NEK10: variants seen among roughly 807,000 people sequenced by gnomAD.
NEK10 encodes the protein NIMA related kinase 10, also known as serine/threonine-protein kinase Nek10.
Under a neutral mutation model 159.8 loss-of-function variants are expected in NEK10, and 122 were observed. The observed-to-expected ratio is 0.76, with a 90% CI of 0.66 to 0.89. NEK10 has a LOEUF of 0.89. NEK10 is among the 40% of genes least tolerant of loss of function. The pLI is 0.00. For missense variants in NEK10, 1,342 were observed against 1,323.1 expected (o/e 1.01, Z -0.22); for synonymous variants, 466 against 457.1 (o/e 1.02, Z -0.25).
At chr3:27,302,424 G>A (rs771849228) in intron 12 of NEK10, among the ~76,000 whole-genome samples, 5 of 150,558 alleles carry the variant, frequency 3.3e-5, no homozygotes, top group Admixed American at 1.3e-4. Context: ...GCAATTTATC[G>A]GTTCTGTAGG....
At chr3:27,328,064 A>G (rs1291983409) in intron 5 of NEK10, among the ~76,000 whole-genome samples, 2 of 152,170 alleles carry the variant, frequency 1.3e-5, no homozygotes, top group Non-Finnish European at 2.9e-5. Flanking sequence ...TAAATCTAGC[A>G]TGAAATGTAC....
intron 23 of NEK10, among the ~76,000 whole-genome samples, chr3:27,203,711 A>G (rs62256261): frequency 0.029 from 4,426 of 152,256 alleles, 97 homozygotes; most frequent in African/African-American, 0.038. Flanking sequence ...AGAAATTTAT[A>G]AATTGGCATC....
intron 22 of NEK10, among the ~76,000 whole-genome samples, chr3:27,273,327 G>A (rs911926207): frequency 2.0e-5 from 3 of 152,036 alleles, no homozygotes; most frequent in South Asian, 2.1e-4. Flanking sequence ...TGTCTTTTTC[G>A]TTACCTGAAA....
At chr3:27,366,465 A>C (rs7629859) in intron 1 of NEK10, among the ~76,000 whole-genome samples, 1 of 152,120 alleles carries the variant, frequency 6.6e-6, no homozygotes, top group African/African-American at 2.4e-5. Flanking sequence ...TGCTCAACCC[A>C]GTTCACTTTG....
chr3:27,252,317 G>T (rs1170640536), intron 23 of NEK10: 2 of 436,248 alleles, frequency 4.6e-6, no homozygotes, highest in Non-Finnish European at 9.2e-6. Context: ...TTTAAGCAAA[G>T]AGCAGAATGA....
chr3:27,123,174 A>T (rs766982843), intron 32 of NEK10, among the ~76,000 whole-genome samples: 6 of 152,198 alleles, frequency 3.9e-5, no homozygotes, highest in African/African-American at 7.2e-5. Flanking sequence ...GAGACTTGCA[A>T]TCTGACTAGG....
rs554887158 is a variant in NEK10, at chr3:27,134,485, C to T, written c.2971-2495G>A. Among the ~76,000 whole-genome samples, 66 of 152,302 alleles carry T rather than the reference C, an allele frequency of 4.3e-4. 1 individual carries two copies. The highest frequency in any genetic ancestry group is 1.4e-3 in the African/African-American group (60 of 41,564). ...GACAAACTTTTGAAAGTGTGGAACA[C>T]CAGTGGGCTCATAGCTTCCTTCAAA... On this transcript the variant is annotated intron_variant, in intron 31 of 35. Coordinates refer to ENST00000691995, the MANE Select transcript of NEK10 (RefSeq NM_001394966.1).
intron 10 of NEK10, 87 bp from the exon 11 acceptor site, chr3:27,308,032 T>C: frequency 1.5e-6 from 1 of 674,532 alleles, no homozygotes; most frequent in Non-Finnish European, 2.7e-6. Flanking sequence ...TATAAAGAAC[T>C]GCCTGAGACT....
chr3:27,347,148 A>G (rs2047611834), intron 3 of NEK10, among the ~76,000 whole-genome samples: 1 of 152,190 alleles, frequency 6.6e-6, no homozygotes. Flanking sequence ...TCCATTTTAT[A>G]TATTACCAAA....
intron 22 of NEK10, among the ~76,000 whole-genome samples, chr3:27,256,961 G>T (rs1242587976): frequency 1.4e-5 from 2 of 143,568 alleles, no homozygotes; most frequent in Non-Finnish European, 3.0e-5. Context: ...TGTCACCCAG[G>T]TTGGAGTGCA....
Position 27,279,131 on chromosome 3 carries a change from CT to C in NEK10, c.2014+5470del, listed in dbSNP as rs559299721. Among the ~76,000 whole-genome samples the C allele has an allele frequency of 1.8e-4, 27 of 152,334 alleles. No individual in the cohort carries two copies. The South Asian group carries it at 5.6e-3, about 32-fold the overall frequency. ...ATCAAAGCAAACTCCTGCCAGCATGCTTACTATAAATAAGTGCAAACCAACC... is the reference window on the plus strand; with the variant it reads ...ATCAAAGCAAACTCCTGCCAGCATGCTACTATAAATAAGTGCAAACCAACC... On this transcript the variant is annotated intron_variant, in intron 22 of 35. Coordinates refer to ENST00000691995, the MANE Select transcript of NEK10 (RefSeq NM_001394966.1).
intron 26 of NEK10, among the ~76,000 whole-genome samples, chr3:27,182,349 T>C (rs1948204029): frequency 6.6e-6 from 1 of 152,148 alleles, no homozygotes; most frequent in Non-Finnish European, 1.5e-5. Context: ...ATATAATTTT[T>C]TGCCAATTAA....
At chr3:27,327,384 C>G (rs1352943) in intron 5 of NEK10, among the ~76,000 whole-genome samples, 54,654 of 151,760 alleles carry the variant, frequency 0.36, 12,087 homozygotes, top group East Asian at 0.74. Flanking sequence ...CCTCTTATGA[C>G]TGAACTTATG....
At chr3:27,341,952 C>A (rs576621178) in intron 5 of NEK10, among the ~76,000 whole-genome samples, 1 of 152,096 alleles carries the variant, frequency 6.6e-6, no homozygotes, top group Non-Finnish European at 1.5e-5. Flanking sequence ...ACCAAGGACC[C>A]AAATTCCCAC....
chr3:27,355,186 T>G (rs2048247390), intron 1 of NEK10, among the ~76,000 whole-genome samples: 2 of 152,136 alleles, frequency 1.3e-5, no homozygotes, highest in Admixed American at 1.3e-4. Context: ...TTTCTTTGCT[T>G]GACCTCGCCA....
chr3:27,135,905 G>C (rs920310279), intron 31 of NEK10, among the ~76,000 whole-genome samples: 14 of 152,198 alleles, frequency 9.2e-5, no homozygotes, highest in African/African-American at 3.1e-4. Flanking sequence ...GGTATGGATG[G>C]TTCTAGTCTT....
At chr3:27,361,036 T>G (rs984469812) in intron 1 of NEK10, among the ~76,000 whole-genome samples, 16 of 152,248 alleles carry the variant, frequency 1.1e-4, no homozygotes, top group Middle Eastern at 3.2e-3. Context: ...TGATGGACAC[T>G]CCTTTAAGTG....
intron 23 of NEK10, among the ~76,000 whole-genome samples, chr3:27,211,998 G>A (rs1321275925): frequency 6.6e-6 from 1 of 152,210 alleles, no homozygotes; most frequent in African/African-American, 2.4e-5. Flanking sequence ...GAGATAATTT[G>A]TAATATCTAT....
intron 25 of NEK10, among the ~76,000 whole-genome samples, chr3:27,197,768 C>A (rs1043526128): frequency 3.3e-5 from 5 of 151,526 alleles, no homozygotes; most frequent in Non-Finnish European, 5.9e-5. Context: ...CTTTCCCTTG[C>A]CTGACTGCTC....
Sources: gnomAD v4.1 joint callset for allele counts (sites outside exome capture counted in the v4.1 genomes callset) on GRCh38, gnomAD v4.1.1 for gene constraint, MANE v1.5 for transcripts, NCBI Gene and HGNC (gene_info 2026-07-23, HGNC 2026-07-21) for gene names.